The following FSD1L variants were observed in gnomAD, a reference collection of about 807,000 sequenced individuals.
FSD1L encodes the protein fibronectin type III and SPRY domain containing 1 like, also known as FSD1-like protein.
In FSD1L, 45 loss-of-function variants were observed where a neutral mutation model predicts 71.6. That is an observed-to-expected ratio of 0.63 (90% confidence interval 0.49 to 0.81). The LOEUF is 0.81. FSD1L is among the 30% of genes least tolerant of loss of function. FSD1L has a pLI of 0.00. For synonymous variants in FSD1L, 197 were observed against 207.2 expected, an observed-to-expected ratio of 0.95 and a Z score of 0.42; for missense variants, 561 against 618.1, an observed-to-expected ratio of 0.91 and a Z score of 0.98.
chr9:105,465,948 T>G (rs1459417512), intron 3 of FSD1L, among the ~76,000 whole-genome samples: 1 of 151,926 alleles, frequency 6.6e-6, no homozygotes, highest in African/African-American at 2.4e-5. Context: ...CTCAGCTCAC[T>G]GAAACTCCTG....
At chr9:105,457,086 A>G (rs1830405836) in intron 1 of FSD1L, among the ~76,000 whole-genome samples, 2 of 152,234 alleles carry the variant, frequency 1.3e-5, no homozygotes, top group African/African-American at 2.4e-5. Flanking sequence ...ATTAGAAAAA[A>G]AAATGAAATG....
At position 105,481,694 on chromosome 9, in the gene FSD1L, T is replaced by C. The variant is rs538752217; in HGVS notation, c.464+2318T>C. ...AAAGTGAGCTTTTAGAATTCCATTA[T>C]TGTCATTTAAAATATAAAAATAATT... is the stretch of plus-strand genomic sequence containing the variant. On this transcript the variant is annotated intron_variant, in intron 6 of 13. Coordinates refer to ENST00000481272, the MANE Select transcript of FSD1L (RefSeq NM_001145313.3). 1.4e-4 allele frequency among the ~76,000 whole-genome samples: 21 copies of C among 152,274 alleles called. No homozygotes were observed. In the South Asian group the frequency reaches 3.1e-3, roughly 23 times the overall value.
At chr9:105,522,418 G>A (rs62575103) in intron 10 of FSD1L, 465,231 of 1,612,888 alleles carry the variant, frequency 0.29, 70,909 homozygotes, top group Non-Finnish European at 0.32. Context: ...GGATGGAGTC[G>A]TGATCAGCCT....
intron 7 of FSD1L, among the ~76,000 whole-genome samples, chr9:105,491,531 C>T (rs1588999750): frequency 6.6e-6 from 1 of 152,148 alleles, no homozygotes; most frequent in South Asian, 2.1e-4. Flanking sequence ...ACTTCCAACA[C>T]TATGTTGAAT....
chr9:105,443,769 TA>T (rs1226696942), upstream of FSD1L, among the ~76,000 whole-genome samples: 5 of 151,608 alleles, frequency 3.3e-5, no homozygotes, highest in African/African-American at 7.3e-5. Context: ...ATGTCTCTGT[TA>T]AAAAAAAATC....
In FSD1L at chr9:105,506,491, A is replaced by G. The variant is rs886206834; in HGVS notation, c.679A>G (p.Ile227Val). The change falls in exon 8 of 14, where the codon ATT (isoleucine) becomes GTT (valine). Residue 227 changes from isoleucine to valine, a missense_variant. Ile to Val is a conservative substitution (Grantham distance 29). This residue lies in a region of FSD1L where 410 missense variants were observed against 413.5 expected (regional missense o/e 0.99). Transcript: ENST00000481272. ...AWRMPEEDNK[I>V]DHFILEHRKT... ...GAGAATGCCAGAAGAAGATAATAAG[A>G]TTGACCATTTTATACTGGAACATAG... 3.2e-6 allele frequency: 5 copies of G among 1,551,458 alleles called. No homozygotes were observed. The Admixed American group carries it at 5.9e-5, about 18-fold the overall frequency.
intron 6 of FSD1L, among the ~76,000 whole-genome samples, chr9:105,482,149 T>C (rs550555641): frequency 1.6e-4 from 25 of 152,258 alleles, no homozygotes; most frequent in African/African-American, 5.3e-4. Flanking sequence ...AGAAATCAAA[T>C]ATAAAAAATG....
intron 13 of FSD1L, 114 bp downstream of exon 13, chr9:105,539,465 A>G (rs1367339889): frequency 4.6e-6 from 2 of 438,114 alleles, no homozygotes; most frequent in Non-Finnish European, 7.9e-6. Context: ...TTTTTTCTTC[A>G]TATTCTCCTC....
intron 7 of FSD1L, among the ~76,000 whole-genome samples, chr9:105,488,811 T>C (rs1832722031): frequency 6.8e-6 from 1 of 147,378 alleles, no homozygotes; most frequent in Non-Finnish European, 1.5e-5. Context: ...CTATTTTTTT[T>C]ACATTGGGTT....
chr9:105,446,596 C>T (rs555223783), upstream of FSD1L, among the ~76,000 whole-genome samples: 7 of 152,108 alleles, frequency 4.6e-5, no homozygotes, highest in African/African-American at 7.2e-5. Flanking sequence ...GTCTCGAACT[C>T]CTGGACTCAA....
At chr9:105,444,736 C>T (rs1829605613), upstream of FSD1L, among the ~76,000 whole-genome samples, 2 of 152,194 alleles carry the variant, frequency 1.3e-5, no homozygotes, top group South Asian at 4.1e-4. Flanking sequence ...GAACCAGAAA[C>T]CTAGGTTTTG....
Position 105,461,519 on chromosome 9 carries a change from G to A in FSD1L, c.16-1G>A. The stretch of plus-strand genomic sequence containing the variant: ...GCTCCTACTGTATTTATATTGGACA[G>A]TACTGCTTTAAGGAGAATGAAAACG... On this transcript the variant is annotated splice_acceptor_variant, in intron 1 of 13. Transcript: ENST00000481272. LOFTEE classifies it high-confidence loss of function. 6.5e-7 allele frequency: 1 copy of A among 1,541,582 alleles called. No homozygotes were observed. Among genetic ancestry groups the A allele is most frequent in the East Asian group, 2.4e-5 (1 of 40,842 alleles).
intron 3 of FSD1L, among the ~76,000 whole-genome samples, chr9:105,467,770 C>T (rs540718549): frequency 6.4e-4 from 98 of 152,272 alleles, no homozygotes; most frequent in African/African-American, 2.3e-3. Flanking sequence ...CTCGGAATTA[C>T]TGAATTAAAA....
chr9:105,456,815 T>A (rs1054008964), intron 1 of FSD1L, among the ~76,000 whole-genome samples: 24 of 152,370 alleles, frequency 1.6e-4, no homozygotes, highest in African/African-American at 5.3e-4. Flanking sequence ...TCAAAACATG[T>A]CTTCAGACCT....
chr9:105,526,444 C>T (rs1835516653), intron 10 of FSD1L: 10 of 1,612,794 alleles, frequency 6.2e-6, no homozygotes, highest in Non-Finnish European at 5.9e-6. Flanking sequence ...ATGGGGCTGA[C>T]CTGGCCTCTC....
rs990614094 is a variant in FSD1L at position 105,548,991 on chromosome 9, A to G, written c.*2508A>G. The G allele has an allele frequency of 6.6e-6, 1 of 152,106 alleles. No homozygotes were observed. Among genetic ancestry groups the G allele is most frequent in the African/African-American group, 2.4e-5 (1 of 41,450 alleles). 9.4% of individuals were successfully genotyped at this position (152,106 alleles called of 1,614,324 possible). ...GCCTATTTAGTCTCAAAATAAGGTA[A>G]CTATTAACTTGATTATACTATATAA... On this transcript the variant is annotated 3_prime_UTR_variant, in exon 14 of 14. Transcript: ENST00000481272.
chr9:105,467,775 T>C (rs1831172973), intron 3 of FSD1L, among the ~76,000 whole-genome samples: 1 of 152,228 alleles, frequency 6.6e-6, no homozygotes, highest in African/African-American at 2.4e-5. Flanking sequence ...AATTACTGAA[T>C]TAAAATCTCT....
intron 1 of FSD1L, among the ~76,000 whole-genome samples, chr9:105,455,024 C>T (rs1056909569): frequency 2.0e-5 from 3 of 152,154 alleles, no homozygotes; most frequent in African/African-American, 7.2e-5. Context: ...GAGCATGATA[C>T]TTTTGTTAAA....
At chr9:105,499,344 A>G (rs1833626514) in intron 7 of FSD1L, among the ~76,000 whole-genome samples, 1 of 152,214 alleles carries the variant, frequency 6.6e-6, no homozygotes, top group South Asian at 2.1e-4. Context: ...ATCAGTCAAG[A>G]ATAAGAAAAA....
Sources: gnomAD v4.1 joint callset for allele counts (sites outside exome capture counted in the v4.1 genomes callset) on GRCh38, gnomAD v4.1.1 for gene constraint, gnomAD v4.1.1 regional missense constraint, MANE v1.5 for transcripts, NCBI Gene and HGNC (gene_info 2026-07-23, HGNC 2026-07-21) for gene names.